Variants in PCDHGA12 observed in about 807,000 individuals in gnomAD.
PCDHGA12 encodes the protein protocadherin gamma subfamily A, 12, also known as protocadherin gamma-A12.
In PCDHGA12, 43 loss-of-function variants were observed where a neutral mutation model predicts 61.1. The observed-to-expected ratio is 0.70, with a 90% CI of 0.55 to 0.91. The LOEUF is 0.91. Ranked by LOEUF, PCDHGA12 falls within the 40% of genes least tolerant of loss-of-function variation. The probability of loss-of-function intolerance (pLI) is 0.00; values close to 1 mark genes in which losing one functional copy is unlikely to be tolerated. For synonymous variants in PCDHGA12, 520 were observed against 542.9 expected (o/e 0.96, Z 0.59); for missense variants, 1,236 against 1,227.7 (o/e 1.01, Z -0.10).
intron 1 of PCDHGA12, among the ~76,000 whole-genome samples, chr5:141,438,621 TATATATATATATATAC>T (rs1472935962): frequency 0.016 from 652 of 41,356 alleles, 15 homozygotes; most frequent in East Asian, 0.15. Flanking sequence ...TATATATATA[TATATATATATATATAC>T]ACACACACAC....
intron 2 of PCDHGA12, among the ~76,000 whole-genome samples, chr5:141,501,061 G>T (rs746369272): frequency 1.5e-4 from 23 of 152,118 alleles, no homozygotes; most frequent in Non-Finnish European, 2.1e-4. Flanking sequence ...TAGAGACGGG[G>T]TTTCACCATG....
At position 141,491,049 on chromosome 5, in the gene PCDHGA12, G is replaced by C; in HGVS notation, c.2425-3758G>C. The C allele has an allele frequency of 1.2e-6, 2 of 1,614,116 alleles. No homozygotes were observed. Among genetic ancestry groups the C allele is most frequent in the Admixed American group, 3.3e-5 (2 of 60,024 alleles). On this transcript the variant is annotated intron_variant, in intron 1 of 3. Transcript: ENST00000252085. This position sits in a 1 kb window ranked among gnomAD's most constrained non-coding sequence, Gnocchi z 6.9. ...TGGATGCTGATGCAGGCCACAATGC[G>C]TGGCTCTCCTACTCACTGTTGCCAC...
intron 1 of PCDHGA12, among the ~76,000 whole-genome samples, chr5:141,452,579 A>G (rs1320327475): frequency 6.6e-6 from 1 of 151,944 alleles, no homozygotes; most frequent in Non-Finnish European, 1.5e-5. Context: ...CCCCCTTTCC[A>G]TCTTTGTATT....
intron 2 of PCDHGA12, among the ~76,000 whole-genome samples, chr5:141,502,472 A>G (rs1450967250): frequency 1.3e-5 from 2 of 150,886 alleles, no homozygotes; most frequent in Non-Finnish European, 2.9e-5. Flanking sequence ...TACTTCCCGC[A>G]GCATCACACT....
intron 2 of PCDHGA12, among the ~76,000 whole-genome samples, chr5:141,498,956 AGAGG>A (rs1198207839): frequency 1.1e-4 from 14 of 124,162 alleles, no homozygotes; most frequent in East Asian, 2.7e-4. Context: ...AAAAAGAGAG[AGAGG>A]GAGGGAGGGA....
chr5:141,454,088 T>C (rs2154564493), intron 1 of PCDHGA12, among the ~76,000 whole-genome samples: 1 of 152,342 alleles, frequency 6.6e-6, no homozygotes. Context: ...CAGTGAAATT[T>C]GAATTGAACA....
At chr5:141,460,035 A>G (rs1246945474) in intron 1 of PCDHGA12, among the ~76,000 whole-genome samples, 1 of 152,140 alleles carries the variant, frequency 6.6e-6, no homozygotes, top group Non-Finnish European at 1.5e-5. Context: ...CCGAGACTGC[A>G]CCACTGCACT....
chr5:141,495,603 C>T (rs2099762369), intron 2 of PCDHGA12, among the ~76,000 whole-genome samples: 1 of 152,238 alleles, frequency 6.6e-6, no homozygotes, highest in Non-Finnish European at 1.5e-5. Flanking sequence ...TAGCTTCCGT[C>T]TTGATTGCTG....
chr5:141,504,158 T>G (rs890874880), intron 2 of PCDHGA12, among the ~76,000 whole-genome samples: 1 of 152,222 alleles, frequency 6.6e-6, no homozygotes, highest in Non-Finnish European at 1.5e-5. Context: ...TGAAATAATT[T>G]CATCCTTGGA....
Position 141,462,070 on chromosome 5 carries a change from G to A in PCDHGA12, c.2424+28887G>A, listed in dbSNP as rs572217894. Among the ~76,000 whole-genome samples the A allele has an allele frequency of 2.6e-5, 4 of 152,196 alleles. No homozygotes were observed. In the East Asian group the frequency reaches 7.7e-4, roughly 29 times the overall value. Reference sequence around the variant, plus strand: ...ACTCCCGACCTCAGGTGATCTGCCCGCCTTGGCCTCCCAAAATGCTGGGAT... The same window carrying A: ...ACTCCCGACCTCAGGTGATCTGCCCACCTTGGCCTCCCAAAATGCTGGGAT... On this transcript the variant is annotated intron_variant, in intron 1 of 3. Transcript: ENST00000252085.
Position 141,431,374 on chromosome 5 carries a change from GGCT to G in PCDHGA12, c.619_621del (p.Ala207del), listed in dbSNP as rs752583215. The G allele has an allele frequency of 1.7e-4, 275 of 1,613,980 alleles. No individual in the cohort carries two copies. Among genetic ancestry groups the G allele is most frequent in the Non-Finnish European group, 2.0e-4 (238 of 1,180,036 alleles). On this transcript the variant is annotated inframe_deletion, in exon 1 of 4. Coordinates refer to ENST00000252085, the MANE Select transcript of PCDHGA12 (RefSeq NM_003735.3). This position sits in a 1 kb window ranked among gnomAD's most constrained non-coding sequence, Gnocchi z 4.8. Reference sequence around the variant, plus strand: ...AACGCGCCCTGGACCGCGAAGAAAAGGCTGCTCACCACCTGGTCCTTACGGCCT... The same window carrying G: ...AACGCGCCCTGGACCGCGAAGAAAAGGCTCACCACCTGGTCCTTACGGCCT...
Position 141,489,897 on chromosome 5 carries a change from C to G in PCDHGA12, c.2425-4910C>G. ...TGCTTACTGCTGTGGATGGGGGGAC[C>G]CCAGCCCGCTCAGGGACCACCCTTA... is the stretch of plus-strand genomic sequence containing the variant. On this transcript the variant is annotated intron_variant, in intron 1 of 3. Transcript: ENST00000252085. This position sits in a 1 kb window ranked among gnomAD's most constrained non-coding sequence, Gnocchi z 4.5. 1 of 1,614,162 alleles carries G rather than the reference C, an allele frequency of 6.2e-7. No individual in the cohort carries two copies. Among genetic ancestry groups the G allele is most frequent in the Non-Finnish European group, 8.5e-7 (1 of 1,180,016 alleles).
chr5:141,476,727 G>A lies in PCDHGA12; in HGVS notation c.2425-18080G>A, dbSNP rs762236731. On this transcript the variant is annotated intron_variant, in intron 1 of 3. Coordinates refer to ENST00000252085, the MANE Select transcript of PCDHGA12 (RefSeq NM_003735.3). This position sits in a 1 kb window ranked among gnomAD's most constrained non-coding sequence, Gnocchi z 7.6. ...CTGGTGTTGGAGCGCGCCCTGGACC[G>A]AGAACGGGAGCCTAGTCTCCAGTTA... 5 of 1,614,108 alleles carry A rather than the reference G, an allele frequency of 3.1e-6. No individual in the cohort carries two copies. Among genetic ancestry groups the A allele is most frequent in the Non-Finnish European group, 4.2e-6 (5 of 1,180,032 alleles).
intron 3 of PCDHGA12, among the ~76,000 whole-genome samples, chr5:141,509,265 C>G (rs1296179995): frequency 1.3e-5 from 2 of 152,138 alleles, no homozygotes; most frequent in African/African-American, 4.8e-5. Flanking sequence ...TTTAGTCACT[C>G]TCGCTACCCG....
Position 141,431,706 on chromosome 5 carries a change from AG to A in PCDHGA12, c.948del (p.Met317TrpfsTer18). The A allele has an allele frequency of 6.2e-7, 1 of 1,614,248 alleles. No homozygotes were observed. The highest frequency in any genetic ancestry group is 8.5e-7 in the Non-Finnish European group (1 of 1,180,048). ...GACCACGAGGAGTCAGGATTCTACC[AG>A]ATGGAAGTGCAAGCAATGGATAATG... ...ELDHEESGFYQMEVQAMDNAG... is the reference protein window; with the variant it reads ...ELDHEESGFYXMEVQAMDNAG... On this transcript the variant is annotated frameshift_variant, in exon 1 of 4. Coordinates refer to ENST00000252085, the MANE Select transcript of PCDHGA12 (RefSeq NM_003735.3). LOFTEE classifies it high-confidence loss of function. This position sits in a 1 kb window ranked among gnomAD's most constrained non-coding sequence, Gnocchi z 4.8.
At position 141,461,300 on chromosome 5, in the gene PCDHGA12, A is replaced by G. The variant is rs889981233; in HGVS notation, c.2424+28117A>G. Among the ~76,000 whole-genome samples, 10 of 152,106 alleles carry G rather than the reference A, an allele frequency of 6.6e-5. No individual in the cohort carries two copies. In the East Asian group the frequency reaches 1.4e-3, roughly 21 times the overall value. On this transcript the variant is annotated intron_variant, in intron 1 of 3. Transcript: ENST00000252085. The stretch of plus-strand genomic sequence containing the variant: ...TTTCCCCACATCCACACCAACATCT[A>G]TTGTTTTTTGACTTTTTAATAATGG...
chr5:141,458,848 T>C (rs1044462303), intron 1 of PCDHGA12, among the ~76,000 whole-genome samples: 1 of 152,182 alleles, frequency 6.6e-6, no homozygotes, highest in Non-Finnish European at 1.5e-5. Flanking sequence ...TCCTCCCACC[T>C]CAGCCTTCCA....
chr5:141,481,348 T>C (rs2099536105), intron 1 of PCDHGA12, among the ~76,000 whole-genome samples: 1 of 152,250 alleles, frequency 6.6e-6, no homozygotes, highest in Non-Finnish European at 1.5e-5. Flanking sequence ...TATTTAAACA[T>C]CTACAGCTGT....
chr5:141,489,467 C>G lies in PCDHGA12; in HGVS notation c.2425-5340C>G. 1 of 1,614,076 alleles carries G rather than the reference C, an allele frequency of 6.2e-7. No individual in the cohort carries two copies. The highest frequency in any genetic ancestry group is 8.5e-7 in the Non-Finnish European group (1 of 1,180,026). Reference sequence around the variant, plus strand: ...TCTGAGGAGAATGGGCGCTATTTTTCCCTGAGCTTGATGAGTGGTGCCCTG... The same window carrying G: ...TCTGAGGAGAATGGGCGCTATTTTTGCCTGAGCTTGATGAGTGGTGCCCTG... On this transcript the variant is annotated intron_variant, in intron 1 of 3. Transcript: ENST00000252085. The surrounding 1 kb of genome is among the most constrained non-coding windows in gnomAD (Gnocchi z 4.5).
Sources: allele counts gnomAD v4.1 joint callset (sites outside exome capture counted in the v4.1 genomes callset), GRCh38; gene constraint gnomAD v4.1.1; non-coding constraint Gnocchi (gnomAD v3.1); transcripts MANE v1.5; gene names NCBI Gene and HGNC (gene_info 2026-07-23, HGNC 2026-07-21).